GPR158: variants seen among roughly 807,000 people sequenced by gnomAD.
GPR158 encodes the protein metabotropic glycine receptor.
GPR158 carries 30 observed loss-of-function variants against 78.2 expected under a neutral mutation model. The observed-to-expected ratio is 0.38, with a 90% CI of 0.29 to 0.52. The LOEUF (loss-of-function observed/expected upper bound fraction) is 0.52, where lower values mean the gene tolerates loss of function less well. Among genes scored for constraint, GPR158 ranks in the 20% least tolerant of loss-of-function variants. The pLI, the probability that GPR158 is intolerant of heterozygous loss-of-function variation, is 0.83. For synonymous variants in GPR158, 581 were observed against 591.1 expected, an observed-to-expected ratio of 0.98 and a Z score of 0.25; for missense variants, 1,463 against 1,523.5, an observed-to-expected ratio of 0.96 and a Z score of 0.66.
intron 5 of GPR158, 21 bp downstream of exon 5, chr10:25,466,740 T>A (rs754528772): frequency 2.1e-6 from 3 of 1,438,844 alleles, no homozygotes; most frequent in Non-Finnish European, 2.9e-6. Flanking sequence ...GAATTTTGTT[T>A]TTAAAGTAGA....
intron 5 of GPR158, among the ~76,000 whole-genome samples, chr10:25,494,542 C>T (rs1235074136): frequency 6.6e-6 from 1 of 152,124 alleles, no homozygotes; most frequent in Non-Finnish European, 1.5e-5. Context: ...TTATCATTTA[C>T]CTGTAGGCGT....
At chr10:25,301,833 T>G (rs919324313) in intron 2 of GPR158, among the ~76,000 whole-genome samples, 1 of 152,044 alleles carries the variant, frequency 6.6e-6, no homozygotes, top group Non-Finnish European at 1.5e-5. Context: ...GCCAATAAGA[T>G]GTGTGGGGTT....
chr10:25,526,157 CTGAGCAGTTA>C, intron 5 of GPR158, among the ~76,000 whole-genome samples: 1 of 133,926 alleles, frequency 7.5e-6, no homozygotes. Flanking sequence ...GTTCTAATAA[CTGAGCAGTTA>C]TGTTGAATTG....
chr10:25,193,228 T>C (rs1852797753), intron 1 of GPR158, among the ~76,000 whole-genome samples: 1 of 151,914 alleles, frequency 6.6e-6, no homozygotes, highest in Admixed American at 6.6e-5. Flanking sequence ...ATAAAAATAA[T>C]AAGTAATTAT....
chr10:25,286,425 A>G (rs1854351283), intron 2 of GPR158, among the ~76,000 whole-genome samples: 1 of 152,036 alleles, frequency 6.6e-6, no homozygotes, highest in Non-Finnish European at 1.5e-5. Flanking sequence ...TAACATTTGC[A>G]TTAGATTTTT....
intron 7 of GPR158, among the ~76,000 whole-genome samples, chr10:25,583,872 C>T (rs1564497524): frequency 6.6e-6 from 1 of 152,174 alleles, no homozygotes; most frequent in Admixed American, 6.5e-5. Flanking sequence ...CAGAGTACCA[C>T]AGCTTGAGTG....
chr10:25,261,516 A>T (rs1395094197), intron 2 of GPR158, among the ~76,000 whole-genome samples: 2 of 152,028 alleles, frequency 1.3e-5, no homozygotes, highest in African/African-American at 2.4e-5. Flanking sequence ...TCCACTGAGA[A>T]ATTTTTAGTG....
chr10:25,402,960 A>T (rs1834466702), intron 3 of GPR158, among the ~76,000 whole-genome samples: 1 of 151,662 alleles, frequency 6.6e-6, no homozygotes, highest in African/African-American at 2.4e-5. Context: ...AAACTTTGGA[A>T]TGTATACAAA....
intron 2 of GPR158, among the ~76,000 whole-genome samples, chr10:25,302,250 T>C (rs1854609183): frequency 6.6e-6 from 1 of 150,772 alleles, no homozygotes; most frequent in Non-Finnish European, 1.5e-5. Flanking sequence ...TTTTTTTTTT[T>C]TTTTTTTGTA....
At chr10:25,207,582 G>A (rs1271358951) in intron 1 of GPR158, among the ~76,000 whole-genome samples, 1 of 152,018 alleles carries the variant, frequency 6.6e-6, no homozygotes, top group Non-Finnish European at 1.5e-5. Flanking sequence ...TGTGAGAATC[G>A]AATGCCACCG....
chr10:25,196,454 G>C (rs536067182), intron 1 of GPR158, among the ~76,000 whole-genome samples: 5 of 152,016 alleles, frequency 3.3e-5, no homozygotes, highest in Admixed American at 6.5e-5. Context: ...CAGTTGTTTT[G>C]CTTGTTTATG....
chr10:25,227,926 C>T (rs2130691173), intron 2 of GPR158, among the ~76,000 whole-genome samples: 2 of 152,180 alleles, frequency 1.3e-5, no homozygotes, highest in East Asian at 3.9e-4. Flanking sequence ...AAGAATTGTG[C>T]TCAATGTTGG....
At chr10:25,559,214 G>A (rs768531193) in intron 6 of GPR158, among the ~76,000 whole-genome samples, 1 of 152,054 alleles carries the variant, frequency 6.6e-6, no homozygotes, top group Non-Finnish European at 1.5e-5. Flanking sequence ...ATCATCCCTT[G>A]CCATATTCTC....
chr10:25,296,172 A>G (rs1055617585), intron 2 of GPR158, among the ~76,000 whole-genome samples: 1 of 152,054 alleles, frequency 6.6e-6, no homozygotes, highest in African/African-American at 2.4e-5. Flanking sequence ...ACCTCGAGGC[A>G]AGGAAACTGG....
intron 2 of GPR158, among the ~76,000 whole-genome samples, chr10:25,221,522 G>T (rs1853299427): frequency 6.6e-6 from 1 of 152,126 alleles, no homozygotes; most frequent in Admixed American, 6.5e-5. Context: ...TGAAATATTG[G>T]TGGTATTCAT....
chr10:25,192,764 TAAA>T (rs35751694), intron 1 of GPR158, among the ~76,000 whole-genome samples: 1 of 133,142 alleles, frequency 7.5e-6, no homozygotes, highest in African/African-American at 2.8e-5. Flanking sequence ...TGAAGTATAA[TAAA>T]AAAAAGGTAG....
chr10:25,354,972 A>C (rs1158811258), intron 2 of GPR158, among the ~76,000 whole-genome samples: 1 of 151,984 alleles, frequency 6.6e-6, no homozygotes, highest in Non-Finnish European at 1.5e-5. Context: ...TTTTCTCTAG[A>C]TGCTTTAGGA....
At chr10:25,209,351 G>T (rs1464181096) in intron 1 of GPR158, among the ~76,000 whole-genome samples, 1 of 152,114 alleles carries the variant, frequency 6.6e-6, no homozygotes, top group African/African-American at 2.4e-5. Flanking sequence ...CCTCATCATG[G>T]CACAATGCCA....
chr10:25,508,773 A>C (rs1007804352), intron 5 of GPR158, among the ~76,000 whole-genome samples: 9 of 152,150 alleles, frequency 5.9e-5, no homozygotes, highest in African/African-American at 1.7e-4. Context: ...CTTACAGGAA[A>C]GAAGACCTTA....
Sources: allele counts gnomAD v4.1 joint callset (sites outside exome capture counted in the v4.1 genomes callset), GRCh38; gene constraint gnomAD v4.1.1; transcripts MANE v1.5; gene names NCBI Gene and HGNC (gene_info 2026-07-23, HGNC 2026-07-21).